PACRG: variants seen among roughly 807,000 people sequenced by gnomAD.
PACRG encodes the protein parkin coregulated gene protein.
PACRG carries 29 observed loss-of-function variants against 29.7 expected under a neutral mutation model. That is an observed-to-expected ratio of 0.98 (90% CI 0.73 to 1.33). The LOEUF (loss-of-function observed/expected upper bound fraction) is 1.33, where lower values mean the gene tolerates loss of function less well. Among genes scored for constraint, PACRG ranks in the 40% most tolerant of loss-of-function variants. The pLI is 0.00. For synonymous variants in PACRG, 116 were observed against 118.7 expected (o/e 0.98, Z 0.15); for missense variants, 279 against 316.2 (o/e 0.88, Z 0.89).
At chr6:163,275,607 C>G (rs900796771) in intron 4 of PACRG, among the ~76,000 whole-genome samples, 5 of 152,150 alleles carry the variant, frequency 3.3e-5, no homozygotes, top group African/African-American at 4.8e-5. Context: ...AGATATTTCT[C>G]CACTGTCCTT....
At chr6:162,893,047 CAGG>C (rs1366299520) in intron 2 of PACRG, among the ~76,000 whole-genome samples, 1 of 152,116 alleles carries the variant, frequency 6.6e-6, no homozygotes, top group Non-Finnish European at 1.5e-5. Context: ...ACGTCAGCCT[CAGG>C]AGCCTCGGCC....
intron 2 of PACRG, among the ~76,000 whole-genome samples, chr6:162,953,850 G>GGCTGTGGTTT (rs1799831109): frequency 6.6e-6 from 1 of 152,104 alleles, no homozygotes; most frequent in South Asian, 2.1e-4. Context: ...TGTACATTTA[G>GGCTGTGGTTT]GCTGTGGTTT....
chr6:162,850,564 T>A (rs1790773176), intron 2 of PACRG, among the ~76,000 whole-genome samples: 2 of 152,130 alleles, frequency 1.3e-5, no homozygotes, highest in African/African-American at 4.8e-5. Flanking sequence ...CAATCATGAC[T>A]ATGTAATGAA....
intron 4 of PACRG, among the ~76,000 whole-genome samples, chr6:163,121,023 A>G (rs1345894166): frequency 6.6e-6 from 1 of 152,218 alleles, no homozygotes; most frequent in African/African-American, 2.4e-5. Context: ...GCTAATAGAT[A>G]TACTCTTCCA....
chr6:163,020,353 A>G (rs1005081619), intron 2 of PACRG, among the ~76,000 whole-genome samples: 3 of 152,336 alleles, frequency 2.0e-5, no homozygotes, highest in African/African-American at 4.8e-5. Context: ...TTATTAAAAA[A>G]CAAGCAAACT....
intron 2 of PACRG, among the ~76,000 whole-genome samples, chr6:162,885,099 C>T (rs1794218583): frequency 6.6e-6 from 1 of 152,112 alleles, no homozygotes; most frequent in Non-Finnish European, 1.5e-5. Context: ...TAATTTTCTG[C>T]ATGAAATTTT....
At chr6:162,844,514 G>A (rs1348750547) in intron 2 of PACRG, among the ~76,000 whole-genome samples, 2 of 152,204 alleles carry the variant, frequency 1.3e-5, no homozygotes, top group Non-Finnish European at 2.9e-5. Flanking sequence ...CTAGTGAGAT[G>A]AACCCGGTAC....
chr6:162,760,635 A>G (rs926442204), intron 1 of PACRG, among the ~76,000 whole-genome samples: 9 of 152,078 alleles, frequency 5.9e-5, no homozygotes, highest in Non-Finnish European at 1.2e-4. Flanking sequence ...TGGCTGGAGG[A>G]AAGTGAGCCA....
At chr6:162,817,146 C>G (rs1046936722) in intron 2 of PACRG, among the ~76,000 whole-genome samples, 2 of 152,178 alleles carry the variant, frequency 1.3e-5, no homozygotes, top group African/African-American at 4.8e-5. Flanking sequence ...GCTGTAAACC[C>G]CGGCACAGGC....
At chr6:162,727,606 C>A, upstream of PACRG, 1 of 1,547,596 alleles carries the variant, frequency 6.5e-7, no homozygotes, top group Admixed American at 1.9e-5. Flanking sequence ...GGGCGTGGCG[C>A]CATACCGGGG....
At chr6:162,973,913 G>GA (rs1414478510) in intron 2 of PACRG, among the ~76,000 whole-genome samples, 2 of 152,130 alleles carry the variant, frequency 1.3e-5, no homozygotes, top group South Asian at 2.1e-4. Context: ...ATAGATTTCA[G>GA]AAAAAATAAA....
At chr6:162,814,701 T>A (rs1166442537) in intron 2 of PACRG, among the ~76,000 whole-genome samples, 1 of 152,102 alleles carries the variant, frequency 6.6e-6, no homozygotes, top group African/African-American at 2.4e-5. Context: ...AGGTCAAGAT[T>A]GTCTGCTCCC....
Position 163,269,825 on chromosome 6 carries a change from A to AGG in PACRG, c.614-45002_614-45001insGG, listed in dbSNP as rs869107418. On this transcript the variant is annotated intron_variant, in intron 4 of 4. Transcript: ENST00000366888. ...GGAAGGAAGGAAGGAAGGAAGGAGA[A>AGG]AGAAAGAAAGAAAAAGAAAGAAAGA... Among the ~76,000 whole-genome samples, 310 of 38,224 alleles carry AGG rather than the reference A, an allele frequency of 8.1e-3. 41 individuals carry two copies. Among genetic ancestry groups the AGG allele is most frequent in the South Asian group, 0.017 (20 of 1,182 alleles). The allele number at this position is 38,224 out of a possible 152,430, so 25.1% of individuals were successfully genotyped here.
intron 1 of PACRG, among the ~76,000 whole-genome samples, chr6:162,731,800 A>G (rs1185848677): frequency 6.6e-6 from 1 of 152,180 alleles, no homozygotes; most frequent in Non-Finnish European, 1.5e-5. Flanking sequence ...TAAATTATAT[A>G]TTAAAATATT....
At chr6:163,250,234 G>A (rs1259153106) in intron 4 of PACRG, among the ~76,000 whole-genome samples, 1 of 152,242 alleles carries the variant, frequency 6.6e-6, no homozygotes, top group Non-Finnish European at 1.5e-5. Flanking sequence ...CCACCAAAAT[G>A]TGCTGTAAGA....
At chr6:163,236,383 C>T (rs1366380875) in intron 4 of PACRG, among the ~76,000 whole-genome samples, 1 of 152,146 alleles carries the variant, frequency 6.6e-6, no homozygotes, top group Non-Finnish European at 1.5e-5. Flanking sequence ...GCTTCTTTCC[C>T]CCTTTGGAAA....
rs542788829 is a variant in PACRG, at chr6:163,121,656, C to T, written c.613+32248C>T. On this transcript the variant is annotated intron_variant, in intron 4 of 4. Coordinates refer to ENST00000366888, the MANE Select transcript of PACRG (RefSeq NM_001080379.2). ...TATAGAGCATTCATTTCATCCTTCTCGGTAATCTTTTTTTTTTTTTTTTTT... is the reference window on the plus strand; with the variant it reads ...TATAGAGCATTCATTTCATCCTTCTTGGTAATCTTTTTTTTTTTTTTTTTT... 4.7e-5 allele frequency among the ~76,000 whole-genome samples: 7 copies of T among 149,796 alleles called. No homozygotes were observed. In the East Asian group the frequency reaches 5.9e-4, roughly 13 times the overall value.
At chr6:162,901,054 A>G (rs1584705880) in intron 2 of PACRG, among the ~76,000 whole-genome samples, 4 of 152,232 alleles carry the variant, frequency 2.6e-5, no homozygotes, top group Non-Finnish European at 5.9e-5. Flanking sequence ...AAATGAATGA[A>G]TATATAATAT....
chr6:162,985,925 G>A (rs573135533), intron 2 of PACRG, among the ~76,000 whole-genome samples: 21 of 151,792 alleles, frequency 1.4e-4, no homozygotes, highest in African/African-American at 4.3e-4. Flanking sequence ...ACAAATCTGA[G>A]AATCAAATCA....
Sources: allele counts gnomAD v4.1 joint callset (sites outside exome capture counted in the v4.1 genomes callset), GRCh38; gene constraint gnomAD v4.1.1; transcripts MANE v1.5; gene names NCBI Gene and HGNC (gene_info 2026-07-23, HGNC 2026-07-21).